The following NUMA1 variants were observed in gnomAD, a reference collection of about 807,000 sequenced individuals.
The protein encoded by NUMA1 is SP-H antigen.
A neutral mutation model predicts 237.1 loss-of-function variants in NUMA1; 62 were observed. That is an observed-to-expected ratio of 0.26 (90% confidence interval 0.21 to 0.32). The LOEUF is 0.32. NUMA1 is among the 10% of genes least tolerant of loss of function. The probability of loss-of-function intolerance (pLI) is 1.00; values close to 1 mark genes in which losing one functional copy is unlikely to be tolerated. For missense variants in NUMA1, 2,533 were observed against 2,666.5 expected (o/e 0.95, Z 1.10); for synonymous variants, 1,028 against 1,066.1 (o/e 0.96, Z 0.70).
Position 72,018,515 on chromosome 11 carries a change from T to C in NUMA1, c.743-2A>G. On this transcript the variant is annotated splice_acceptor_variant, in intron 10 of 26. Coordinates refer to ENST00000393695, the MANE Select transcript of NUMA1 (RefSeq NM_006185.4). LOFTEE classifies it high-confidence loss of function. ...GCTGCATCATGGCTATCTGTGCATCTGCCCAGAGTGGAGGGAGGAGGAGAG... is the reference window on the plus strand; with the variant it reads ...GCTGCATCATGGCTATCTGTGCATCCGCCCAGAGTGGAGGGAGGAGGAGAG... 6.2e-7 allele frequency: 1 copy of C among 1,612,464 alleles called. No homozygotes were observed. Among genetic ancestry groups the C allele is most frequent in the Non-Finnish European group, 8.5e-7 (1 of 1,178,542 alleles).
intron 3 of NUMA1, among the ~76,000 whole-genome samples, chr11:72,035,327 C>A (rs538995575): frequency 5.9e-4 from 90 of 152,150 alleles, no homozygotes; most frequent in African/African-American, 2.0e-3. Context: ...GTGATGAGAA[C>A]CTTGTCCTAG....
At position 72,013,501 on chromosome 11, in the gene NUMA1, C is replaced by T; in HGVS notation, c.4002G>A (p.Glu1334=). ...ELGQELKAWQ[E]KFFQKEQALS... The stretch of plus-strand genomic sequence containing the variant: ...GGGCCTGCTCTTTCTGGAAGAACTT[C>T]TCCTGCCACGCCTTCAATTCTTGGC... The change falls in exon 15 of 27, where the codon GAG becomes GAA. Residue 1334 remains glutamate (E), a synonymous_variant. Coordinates refer to ENST00000393695, the MANE Select transcript of NUMA1 (RefSeq NM_006185.4). The surrounding 1 kb of genome is among the most constrained non-coding windows in gnomAD (Gnocchi z 6.8). 2 of 1,613,476 alleles carry T rather than the reference C, an allele frequency of 1.2e-6. No individual in the cohort carries two copies. The highest frequency in any genetic ancestry group is 1.7e-6 in the Non-Finnish European group (2 of 1,180,026).
intron 2 of NUMA1, chr11:72,067,892 A>C (rs1338600614): frequency 6.6e-6 from 1 of 152,246 alleles, no homozygotes; most frequent in African/African-American, 2.4e-5. Context: ...TGTTTCCAGG[A>C]ACAGGTTACA....
chr11:72,019,422 T>C, intron 9 of NUMA1, 72 bp downstream of exon 9: 1 of 1,582,072 alleles, frequency 6.3e-7, no homozygotes, highest in Non-Finnish European at 8.6e-7. Flanking sequence ...ACATCTTAAC[T>C]CTAGAAGTTA....
intron 13 of NUMA1, chr11:72,016,975 AT>A (rs67134844): frequency 0.015 from 2,309 of 151,552 alleles, 6 homozygotes; most frequent in East Asian, 0.048. Flanking sequence ...TTCATCCCTA[AT>A]TTTTTTTTTT....
chr11:72,072,229 C>T (rs1943483293), intron 1 of NUMA1: 1 of 153,798 alleles, frequency 6.5e-6, no homozygotes, highest in African/African-American at 2.4e-5. Flanking sequence ...CGTTAGTACC[C>T]AGTGGTAAGG....
chr11:72,004,937 G>A (rs566032099), intron 23 of NUMA1, 121 bp from the exon 24 acceptor site: 11 of 1,022,570 alleles, frequency 1.1e-5, no homozygotes, highest in Middle Eastern at 3.1e-4. Flanking sequence ...CCTGCCTCAC[G>A]AGGTAGAAAG....
intron 4 of NUMA1, among the ~76,000 whole-genome samples, chr11:72,025,726 A>G (rs1939494447): frequency 6.6e-6 from 1 of 152,328 alleles, no homozygotes; most frequent in Middle Eastern, 3.4e-3. Context: ...ATCCAAGCCA[A>G]GACTATGAGT....
chr11:72,025,223 G>A (rs940129403), intron 4 of NUMA1, among the ~76,000 whole-genome samples: 8 of 152,136 alleles, frequency 5.3e-5, no homozygotes, highest in African/African-American at 1.7e-4. Flanking sequence ...GTTCTTGTCT[G>A]TACTTGCTTA....
chr11:72,014,799 G>T lies in NUMA1; in HGVS notation c.2704C>A (p.Leu902Ile). Residue 902 changes from leucine (L) to isoleucine (I), a missense_variant, in exon 15 of 27, where the codon CTC becomes ATC. Coordinates refer to ENST00000393695, the MANE Select transcript of NUMA1 (RefSeq NM_006185.4). The surrounding 1 kb of genome is among the most constrained non-coding windows in gnomAD (Gnocchi z 4.6). ...GCCATCTTTTCCTGCAGAGTGGAGA[G>T]GTCATCTGCAAGCTTCTGGGCCCTG... The part of the protein sequence containing the change: ...EVRAQKLADD[L>I]STLQEKMAAT... 6.2e-7 allele frequency: 1 copy of T among 1,614,206 alleles called. No individual in the cohort carries two copies. Among genetic ancestry groups the T allele is most frequent in the Non-Finnish European group, 8.5e-7 (1 of 1,180,032 alleles).
In NUMA1 at chr11:72,007,454, C is replaced by A; in HGVS notation, c.5217-19G>T. On this transcript the variant is annotated intron_variant, in intron 20 of 26. Coordinates refer to ENST00000393695, the MANE Select transcript of NUMA1 (RefSeq NM_006185.4). ...CAGCTTGCTATGGAAAGGAAACCTG[C>A]TGAGGTACAGTCCTTCACGCTAGAA... is the stretch of plus-strand genomic sequence containing the variant. 6.2e-7 allele frequency: 1 copy of A among 1,612,154 alleles called. No homozygotes were observed. The highest frequency in any genetic ancestry group is 8.5e-7 in the Non-Finnish European group (1 of 1,179,754).
At chr11:72,032,700 G>A (rs1287227788) in intron 3 of NUMA1, among the ~76,000 whole-genome samples, 1 of 152,212 alleles carries the variant, frequency 6.6e-6, no homozygotes, top group East Asian at 1.9e-4. Context: ...ACATGAGAGT[G>A]AGGACCAGGC....
intron 24 of NUMA1, 119 bp downstream of exon 24, chr11:72,004,519 GGA>G: frequency 5.5e-6 from 7 of 1,268,536 alleles, no homozygotes; most frequent in Non-Finnish European, 6.6e-6. Context: ...TCAGGCCCTT[GGA>G]GAGAGGGAAA....
At chr11:72,040,279 G>A (rs1941506709) in intron 2 of NUMA1, among the ~76,000 whole-genome samples, 1 of 152,148 alleles carries the variant, frequency 6.6e-6, no homozygotes, top group African/African-American at 2.4e-5. Flanking sequence ...AGGGATTACA[G>A]AGGAAACCAA....
chr11:72,016,866 C>T (rs1442417818), intron 13 of NUMA1: 2 of 227,608 alleles, frequency 8.8e-6, no homozygotes, highest in East Asian at 2.4e-4. Context: ...CCACCATCCT[C>T]TGGGCAGCAA....
At chr11:72,003,797 G>A (rs1256618969) in intron 26 of NUMA1, 90 bp downstream of exon 26, 6 of 1,365,374 alleles carry the variant, frequency 4.4e-6, no homozygotes, top group Admixed American at 2.0e-5. Flanking sequence ...GCCTGGCGTG[G>A]CCCCATCTTG....
chr11:72,012,990 G>C lies in NUMA1; in HGVS notation c.4513C>G (p.Leu1505Val). 1.2e-6 allele frequency: 2 copies of C among 1,614,134 alleles called. No homozygotes were observed. The highest frequency in any genetic ancestry group is 1.7e-6 in the Non-Finnish European group (2 of 1,180,034). The change falls in exon 15 of 27, where the codon CTG becomes GTG. Residue 1505 changes from leucine to valine, a missense_variant. Coordinates refer to ENST00000393695, the MANE Select transcript of NUMA1 (RefSeq NM_006185.4). ...QREAQSTARELEVMTAKYEGA... is the reference protein window; with the variant it reads ...QREAQSTAREVEVMTAKYEGA... ...TCATACTTGGCAGTCATCACCTCCA[G>C]CTCCCGGGCAGTGCTCTGTGCTTCT...
rs563460538 is a variant in NUMA1 at position 72,060,622 on chromosome 11, G to A, written c.-33+9220C>T. ...TGTGCCACCACATTCCAGCCTGGAA[G>A]ACAGAGTGAGACTCCATGTCGAAAA... On this transcript the variant is annotated intron_variant, in intron 2 of 26. Transcript: ENST00000393695. Among the ~76,000 whole-genome samples, 15 of 152,226 alleles carry A rather than the reference G, an allele frequency of 9.9e-5. No homozygotes were observed. In the South Asian group the frequency reaches 2.9e-3, roughly 29 times the overall value.
chr11:72,072,509 T>C lies in NUMA1; in HGVS notation c.-102-2598A>G, dbSNP rs1591088289. On this transcript the variant is annotated intron_variant, in intron 1 of 26. Coordinates refer to ENST00000393695, the MANE Select transcript of NUMA1 (RefSeq NM_006185.4). ...GACTTCAAAGAAACTGGCCCTTCAA[T>C]AGGACAGAAAGGGCAGGCGACACAG... Among the ~76,000 whole-genome samples the C allele has an allele frequency of 3.3e-5, 5 of 152,190 alleles. No individual in the cohort carries two copies. The East Asian group carries it at 9.7e-4, about 30-fold the overall frequency.
Sources: allele counts gnomAD v4.1 joint callset (sites outside exome capture counted in the v4.1 genomes callset), GRCh38; gene constraint gnomAD v4.1.1; non-coding constraint Gnocchi (gnomAD v3.1); transcripts MANE v1.5; gene names NCBI Gene and HGNC (gene_info 2026-07-23, HGNC 2026-07-21).